The following GARS1 variants were observed in gnomAD, a reference collection of about 807,000 sequenced individuals.
The protein encoded by GARS1 is glycyl-tRNA synthetase 1, also known as glycine--tRNA ligase.
A neutral mutation model predicts 86.4 loss-of-function variants in GARS1; 46 were observed. The ratio of observed to expected loss-of-function variants is 0.53; its 90% confidence interval spans 0.42 to 0.68. The LOEUF (loss-of-function observed/expected upper bound fraction) is 0.68, where lower values mean the gene tolerates loss of function less well. Ranked by LOEUF, GARS1 falls within the 30% of genes least tolerant of loss-of-function variation. The probability of loss-of-function intolerance (pLI) is 0.00; values close to 1 mark genes in which losing one functional copy is unlikely to be tolerated. For missense variants in GARS1, 797 were observed against 915.6 expected (o/e 0.87, Z 1.67); for synonymous variants, 342 against 329.8 (o/e 1.04, Z -0.40).
At chr7:30,620,909 C>T (rs145038738) in intron 10 of GARS1, among the ~76,000 whole-genome samples, 10 of 152,326 alleles carry the variant, frequency 6.6e-5, no homozygotes, top group Middle Eastern at 3.4e-3. Context: ...ACCAAATTTA[C>T]AGGCTTTGTC....
chr7:30,606,303 TTC>T (rs1482335076), intron 6 of GARS1, among the ~76,000 whole-genome samples: 1 of 110,870 alleles, frequency 9.0e-6, no homozygotes, highest in Non-Finnish European at 2.1e-5. Context: ...GTCATTGTTA[TTC>T]TTTTTTTTTT....
intron 8 of GARS1, 95 bp downstream of exon 8, chr7:30,612,340 C>A: frequency 1.8e-6 from 2 of 1,127,676 alleles, no homozygotes; most frequent in Non-Finnish European, 1.3e-6. Flanking sequence ...GCTTCATAAT[C>A]CTGATTATGA....
In GARS1 at chr7:30,625,271, C is replaced by T. The variant is rs181854701; in HGVS notation, c.1614-963C>T. ...ATTGCAACTCTTTTATAGCTGTTAA[C>T]TATGATACACTTAGACTGTGCTCAC... On this transcript the variant is annotated intron_variant, in intron 12 of 16. Transcript: ENST00000389266. Among the ~76,000 whole-genome samples the T allele has an allele frequency of 3.7e-4, 56 of 152,220 alleles. No individual in the cohort carries two copies. In the East Asian group the frequency reaches 0.011, roughly 29 times the overall value.
At chr7:30,607,733 AT>A (rs896814072) in intron 6 of GARS1, among the ~76,000 whole-genome samples, 4 of 152,336 alleles carry the variant, frequency 2.6e-5, no homozygotes, top group East Asian at 1.9e-4. Flanking sequence ...CATATAAAGC[AT>A]TTTTTATACC....
At chr7:30,627,716 A>C (rs1287134678) in intron 13 of GARS1, among the ~76,000 whole-genome samples, 1 of 152,230 alleles carries the variant, frequency 6.6e-6, no homozygotes, top group Non-Finnish European at 1.5e-5. Flanking sequence ...CTGACCCCAG[A>C]ACCTTGGTGA....
chr7:30,618,633 C>G (rs1782935690), intron 10 of GARS1, among the ~76,000 whole-genome samples: 1 of 152,144 alleles, frequency 6.6e-6, no homozygotes, highest in South Asian at 2.1e-4. Context: ...GGCCCTGTCT[C>G]AAACAAACAG....
chr7:30,633,729 C>T lies in GARS1; in HGVS notation c.2095-6C>T, dbSNP rs2240401. On this transcript the variant is annotated splice_polypyrimidine_tract_variant and splice_region_variant and intron_variant, in intron 16 of 16. Transcript: ENST00000389266. ...TGATACTTGGCTTCTCTTTCCTTGTCTCTAGATCTCTGAGCTGCCCAGCAT... is the reference window on the plus strand; with the variant it reads ...TGATACTTGGCTTCTCTTTCCTTGTTTCTAGATCTCTGAGCTGCCCAGCAT... 968,839 of 1,612,332 alleles carry T rather than the reference C, an allele frequency of 0.6. 303,617 individuals are homozygous for T. Among genetic ancestry groups the T allele is most frequent in the Non-Finnish European group, 0.65 (766,024 of 1,178,900 alleles).
At chr7:30,628,825 C>T (rs1315721719) in intron 14 of GARS1, among the ~76,000 whole-genome samples, 156 bp downstream of exon 14, 4 of 152,200 alleles carry the variant, frequency 2.6e-5, no homozygotes, top group Non-Finnish European at 4.4e-5. Context: ...TATGTATAGA[C>T]AAACCAGTTT....
intron 14 of GARS1, among the ~76,000 whole-genome samples, chr7:30,629,691 A>T (rs1165733684): frequency 6.6e-6 from 1 of 152,334 alleles, no homozygotes. Context: ...TAATAAAGTT[A>T]GTATGGTACT....
chr7:30,615,335 T>G (rs972878008), intron 8 of GARS1, among the ~76,000 whole-genome samples: 5 of 152,358 alleles, frequency 3.3e-5, no homozygotes, highest in South Asian at 2.1e-4. Flanking sequence ...AATTTCCCAT[T>G]CTTTGAAATG....
In GARS1 at chr7:30,598,816, C is replaced by G. The variant is rs1248469499; in HGVS notation, c.243C>G (p.Leu81=). The part of the protein sequence containing the change: ...VRQQGDLVRK[L]KEDKAPQVDV... Reference sequence around the variant, plus strand: ...GCTAGGGAGATCTTGTGCGAAAACTCAAAGAAGATAAAGCACCCCAAGTAG... The same window carrying G: ...GCTAGGGAGATCTTGTGCGAAAACTGAAAGAAGATAAAGCACCCCAAGTAG... The change falls in exon 2 of 17, where the codon CTC becomes CTG. Residue 81 remains leucine, a synonymous_variant. Transcript: ENST00000389266. 1.2e-6 allele frequency: 2 copies of G among 1,613,862 alleles called. No individual in the cohort carries two copies. The highest frequency in any genetic ancestry group is 2.2e-5 in the South Asian group (2 of 91,074).
chr7:30,594,775 G>T, upstream of GARS1: 1 of 667,078 alleles, frequency 1.5e-6, no homozygotes, highest in East Asian at 2.9e-5. Flanking sequence ...AATCTGCGGC[G>T]GCGACCCGGC....
chr7:30,609,511 G>T (rs1791551526), intron 6 of GARS1, 74 bp from the exon 7 acceptor site: 7 of 1,288,834 alleles, frequency 5.4e-6, no homozygotes, highest in Non-Finnish European at 6.7e-6. Context: ...GATGGCTAGG[G>T]TTATATATAA....
chr7:30,632,479 G>A lies in GARS1; in HGVS notation c.2094+42G>A, dbSNP rs756383258. Reference sequence around the variant, plus strand: ...TTGGCATTTTTAGCCTTAGAAATGTGTACTGCTTCTTACTGATTTGTGTTG... The same window carrying A: ...TTGGCATTTTTAGCCTTAGAAATGTATACTGCTTCTTACTGATTTGTGTTG... On this transcript the variant is annotated intron_variant, in intron 16 of 16. Transcript: ENST00000389266. The surrounding 1 kb of genome is among the most constrained non-coding windows in gnomAD (Gnocchi z 4.1). The A allele has an allele frequency of 1.3e-6, 2 of 1,582,380 alleles. No homozygotes were observed. The highest frequency in any genetic ancestry group is 1.7e-6 in the Non-Finnish European group (2 of 1,151,544).
At position 30,617,235 on chromosome 7, in the gene GARS1, A is replaced by G; in HGVS notation, c.1316A>G (p.His439Arg). 1 of 1,614,006 alleles carries G rather than the reference A, an allele frequency of 6.2e-7. No homozygotes were observed. Among genetic ancestry groups the G allele is most frequent in the Non-Finnish European group, 8.5e-7 (1 of 1,179,872 alleles). The change falls in exon 10 of 17, where the codon CAT becomes CGT. Residue 439 changes from histidine to arginine, a missense_variant. By Grantham distance (29) the His-to-Arg change is conservative. Around this residue, in one of 2 missense-constraint regions of GARS1, gnomAD observed 598 missense variants for 738.7 expected, o/e 0.81. Transcript: ENST00000389266. ...FRQHMENEMAHYACDCWDAES... is the reference protein window; with the variant it reads ...FRQHMENEMARYACDCWDAES... ...CAGCACATGGAGAATGAGATGGCCCATTATGCCTGTGACTGTTGGGATGCA... is the reference window on the plus strand; with the variant it reads ...CAGCACATGGAGAATGAGATGGCCCGTTATGCCTGTGACTGTTGGGATGCA...
At chr7:30,616,776 A>C (rs1206495103) in intron 9 of GARS1, among the ~76,000 whole-genome samples, 1 of 152,216 alleles carries the variant, frequency 6.6e-6, no homozygotes, top group African/African-American at 2.4e-5. Flanking sequence ...TCAGAGGGGA[A>C]TGTCTTTGCC....
intron 10 of GARS1, among the ~76,000 whole-genome samples, chr7:30,619,075 C>G (rs1782946075): frequency 6.6e-6 from 1 of 152,188 alleles, no homozygotes; most frequent in Non-Finnish European, 1.5e-5. Context: ...CAGATTAAAC[C>G]AGATGTTGTT....
chr7:30,598,609 A>T (rs1562770730), intron 1 of GARS1, among the ~76,000 whole-genome samples, 187 bp from the exon 2 acceptor site: 1 of 152,016 alleles, frequency 6.6e-6, no homozygotes, highest in East Asian at 1.9e-4. Context: ...GGATGGTCTG[A>T]AACTCCTGAT....
chr7:30,610,932 AACTTT>A (rs1211024110), intron 7 of GARS1, among the ~76,000 whole-genome samples: 27 of 152,222 alleles, frequency 1.8e-4, no homozygotes, highest in African/African-American at 6.5e-4. Context: ...TATATGTATA[AACTTT>A]ACTTACATTT....
Sources: allele counts gnomAD v4.1 joint callset (sites outside exome capture counted in the v4.1 genomes callset), GRCh38; gene constraint gnomAD v4.1.1; regional missense constraint gnomAD v4.1.1; non-coding constraint Gnocchi (gnomAD v3.1); transcripts MANE v1.5; gene names NCBI Gene and HGNC (gene_info 2026-07-23, HGNC 2026-07-21).